The following AFG3L2 variants were observed in gnomAD, a reference collection of about 807,000 sequenced individuals.
AFG3L2 encodes AFG3 like matrix AAA peptidase subunit 2.
AFG3L2 carries 54 observed loss-of-function variants against 94.5 expected under a neutral mutation model. The observed-to-expected ratio is 0.57, with a 90% CI of 0.46 to 0.72. AFG3L2 has a LOEUF of 0.72. Among genes scored for constraint, AFG3L2 ranks in the 30% least tolerant of loss-of-function variants. The pLI is 0.00. For synonymous variants in AFG3L2, 377 were observed against 365.5 expected, an observed-to-expected ratio of 1.03 and a Z score of -0.36; for missense variants, 754 against 994.9, an observed-to-expected ratio of 0.76 and a Z score of 3.26.
chr18:12,375,706 C>G (rs1909133913), intron 1 of AFG3L2, among the ~76,000 whole-genome samples: 1 of 152,144 alleles, frequency 6.6e-6, no homozygotes, highest in South Asian at 2.1e-4. Flanking sequence ...CCACCACGCC[C>G]GGCTAATTTT....
At chr18:12,358,991 A>C in intron 7 of AFG3L2, 48 bp from the exon 8 acceptor site, 1 of 1,577,912 alleles carries the variant, frequency 6.3e-7, no homozygotes, top group Non-Finnish European at 8.6e-7. Context: ...GCTCACCTCC[A>C]GCTTTCACAT....
chr18:12,360,202 G>C, intron 6 of AFG3L2, 151 bp from the exon 7 acceptor site: 1 of 748,142 alleles, frequency 1.3e-6, no homozygotes, highest in Admixed American at 2.8e-5. Flanking sequence ...CTTTAATAAT[G>C]GTGGTGATTA....
chr18:12,369,146 C>T lies in AFG3L2; in HGVS notation c.292+1703G>A, dbSNP rs867411432. ...CCAGGACTAAAAAACACGCAGTAAG[C>T]ACACCACTAAAGCTGTGCAACACTC... is the stretch of plus-strand genomic sequence containing the variant. On this transcript the variant is annotated intron_variant, in intron 3 of 16. Coordinates refer to ENST00000269143, the MANE Select transcript of AFG3L2 (RefSeq NM_006796.3). Among the ~76,000 whole-genome samples, 3 of 152,124 alleles carry T rather than the reference C, an allele frequency of 2.0e-5. No individual in the cohort carries two copies. In the South Asian group the frequency reaches 6.2e-4, roughly 31 times the overall value.
Position 12,367,377 on chromosome 18 carries a change from T to A in AFG3L2, c.298A>T (p.Lys100Ter), listed in dbSNP as rs776477554. ...KEVMGEKKESKPAATTRSSGG... is the reference protein window; with the variant it reads ...KEVMGEKKES ...GAAGAGCGTGTGGTAGCAGCTGGCT[T>A]TGATTCTGTTCATAAACAAAGAGCA... The change falls in exon 4 of 17, where the codon AAG (lysine) becomes TAG (stop). Residue 100 changes from lysine to a stop codon, truncating the protein, a stop_gained. Transcript: ENST00000269143. LOFTEE classifies it high-confidence loss of function. 1 of 1,614,140 alleles carries A rather than the reference T, an allele frequency of 6.2e-7. No individual in the cohort carries two copies. The highest frequency in any genetic ancestry group is 8.5e-7 in the Non-Finnish European group (1 of 1,180,042).
chr18:12,338,246 T>C (rs1568134298), intron 15 of AFG3L2, among the ~76,000 whole-genome samples: 1 of 152,080 alleles, frequency 6.6e-6, no homozygotes, highest in Non-Finnish European at 1.5e-5. Flanking sequence ...CTGATATTAC[T>C]ATCTGCACAA....
intron 12 of AFG3L2, 34 bp downstream of exon 12, chr18:12,351,051 C>T (rs1228444260): frequency 1.9e-6 from 3 of 1,611,594 alleles, no homozygotes; most frequent in Non-Finnish European, 2.5e-6. Flanking sequence ...TTTTAATATG[C>T]TTCTAAATAG....
At chr18:12,351,972 T>C (rs538360563) in intron 10 of AFG3L2, among the ~76,000 whole-genome samples, 1 of 152,330 alleles carries the variant, frequency 6.6e-6, no homozygotes, top group East Asian at 1.9e-4. Flanking sequence ...TGACCAAATA[T>C]TTAAATTTAA....
chr18:12,333,722 TTTC>T (rs1411893977), intron 16 of AFG3L2, among the ~76,000 whole-genome samples: 1 of 152,198 alleles, frequency 6.6e-6, no homozygotes, highest in Non-Finnish European at 1.5e-5. Context: ...TTTACATTCC[TTTC>T]TTCATGCTGA....
chr18:12,346,901 C>T (rs1908155381), intron 13 of AFG3L2, among the ~76,000 whole-genome samples: 1 of 41,874 alleles, frequency 2.4e-5, no homozygotes, highest in Non-Finnish European at 4.1e-5. Flanking sequence ...AAGACTCCAT[C>T]TCAAAAAAAA....
At chr18:12,349,443 C>T (rs1362341571) in intron 12 of AFG3L2, among the ~76,000 whole-genome samples, 1 of 152,166 alleles carries the variant, frequency 6.6e-6, no homozygotes, top group Non-Finnish European at 1.5e-5. Flanking sequence ...AAAATCTGTA[C>T]ACCGATGTTC....
At chr18:12,350,944 C>T (rs946525213) in intron 12 of AFG3L2, 141 bp downstream of exon 12, 1 of 1,169,738 alleles carries the variant, frequency 8.5e-7, no homozygotes, top group African/African-American at 1.5e-5. Flanking sequence ...GAGACCCTGT[C>T]TCAAAAAAAA....
intron 6 of AFG3L2, among the ~76,000 whole-genome samples, chr18:12,361,068 A>T (rs1908644930): frequency 6.6e-6 from 1 of 152,214 alleles, no homozygotes; most frequent in Non-Finnish European, 1.5e-5. Flanking sequence ...CAAAACAGTA[A>T]GTCTATCATA....
Position 12,376,970 on chromosome 18 carries a change from G to A in AFG3L2, c.113C>T (p.Thr38Met). The change falls in exon 1 of 17, where the codon ACG (threonine) becomes ATG (methionine). Residue 38 changes from threonine (T) to methionine (M), a missense_variant and splice_region_variant. Around this residue, in one of 4 missense-constraint regions of AFG3L2, gnomAD observed 236 missense variants for 214.0 expected, o/e 1.10. Transcript: ENST00000269143. The part of the protein sequence containing the change: ...VGPGEQPCLR[T>M]LYRFVTTQAR... The stretch of plus-strand genomic sequence containing the variant: ...GCCGGGCGCCCAGGTAGGACTCACC[G>A]TCCGGAGGCAGGGCTGCTCGCCCGG... 1 of 1,457,106 alleles carries A rather than the reference G, an allele frequency of 6.9e-7. No individual in the cohort carries two copies. The highest frequency in any genetic ancestry group is 1.5e-5 in the African/African-American group (1 of 67,962). 90.3% of individuals were successfully genotyped at this position (1,457,106 alleles called of 1,614,324 possible).
chr18:12,351,192 CCTTTT>C lies in AFG3L2; in HGVS notation c.1440_1444del (p.Ile480MetfsTer23). 6.2e-7 allele frequency: 1 copy of C among 1,614,118 alleles called. No homozygotes were observed. The highest frequency in any genetic ancestry group is 8.5e-7 in the Non-Finnish European group (1 of 1,180,020). ...ATGAACTTTGAAAATAGAAGCTCTT[CCTTTT>C]ATGTCTGGTGGTCCTTTAGAAATCA... On this transcript the variant is annotated frameshift_variant, in exon 12 of 17. Coordinates refer to ENST00000269143, the MANE Select transcript of AFG3L2 (RefSeq NM_006796.3). LOFTEE classifies it high-confidence loss of function.
intron 12 of AFG3L2, among the ~76,000 whole-genome samples, 162 bp from the exon 13 acceptor site, chr18:12,348,545 C>T (rs1324124720): frequency 1.3e-5 from 2 of 152,216 alleles, no homozygotes; most frequent in Non-Finnish European, 2.9e-5. Flanking sequence ...TAACCCTAAG[C>T]TATTCTAGCG....
In AFG3L2 at chr18:12,346,618, T is replaced by C. The variant is rs548256042; in HGVS notation, c.1663+1655A>G. Among the ~76,000 whole-genome samples the C allele has an allele frequency of 9.7e-4, 148 of 152,154 alleles. 1 individual carries two copies. Among genetic ancestry groups the C allele is most frequent in the Non-Finnish European group, 4.6e-4 (31 of 68,018 alleles). On this transcript the variant is annotated intron_variant, in intron 13 of 16. Transcript: ENST00000269143. ...ATTCATTCTCCTAAAATACCATCGA[T>C]CATTATGTTACTCAGTGGCTCACGC...
chr18:12,339,237 A>C (rs1477981065), intron 15 of AFG3L2, among the ~76,000 whole-genome samples: 2 of 7,056 alleles, frequency 2.8e-4, no homozygotes, highest in African/African-American at 8.4e-4. Context: ...ACTCTGTCTC[A>C]AAAAAAAAAA....
intron 5 of AFG3L2, 89 bp downstream of exon 5, chr18:12,366,876 G>T: frequency 6.5e-7 from 1 of 1,544,696 alleles, no homozygotes; most frequent in Non-Finnish European, 8.9e-7. Flanking sequence ...GGACGAGCCA[G>T]GTTAACCTGC....
chr18:12,351,037 C>A, intron 12 of AFG3L2, 48 bp downstream of exon 12: 1 of 1,610,006 alleles, frequency 6.2e-7, no homozygotes, highest in Non-Finnish European at 8.5e-7. Context: ...GTAACTGTTA[C>A]TGATTTTAAT....
Sources: allele counts gnomAD v4.1 joint callset (sites outside exome capture counted in the v4.1 genomes callset), GRCh38; gene constraint gnomAD v4.1.1; regional missense constraint gnomAD v4.1.1; transcripts MANE v1.5; gene names NCBI Gene and HGNC (gene_info 2026-07-23, HGNC 2026-07-21).